SHANK1: variants seen among roughly 807,000 people sequenced by gnomAD.
SHANK1 encodes SH3 and multiple ankyrin repeat domains 1, also known as SH3 and multiple ankyrin repeat domains protein 1.
Under a neutral mutation model 165.6 loss-of-function variants are expected in SHANK1, and 35 were observed. That is an observed-to-expected ratio of 0.21 (90% CI 0.16 to 0.28). The LOEUF is 0.28. Among genes scored for constraint, SHANK1 ranks in the 10% least tolerant of loss-of-function variants. The pLI is 1.00. For synonymous variants in SHANK1, 1,428 were observed against 1,384.8 expected (o/e 1.03, Z -0.69); for missense variants, 2,681 against 3,036.4 (o/e 0.88, Z 2.75).
At chr19:50,696,456 C>T (rs959297909) in intron 15 of SHANK1, among the ~76,000 whole-genome samples, 3 of 151,636 alleles carry the variant, frequency 2.0e-5, no homozygotes, top group Admixed American at 6.6e-5. Context: ...AACACAGACA[C>T]GTAGGTTTGG....
chr19:50,686,195 C>T lies in SHANK1; in HGVS notation c.2577+42G>A, dbSNP rs777591382. The T allele has an allele frequency of 3.3e-6, 4 of 1,213,430 alleles. No homozygotes were observed. Among genetic ancestry groups the T allele is most frequent in the Non-Finnish European group, 3.5e-6 (3 of 850,240 alleles). 75.2% of individuals were successfully genotyped at this position (1,213,430 alleles called of 1,614,324 possible). Reference sequence around the variant, plus strand: ...AAAGGCTCCAGGTTGGTGTGTGAACCGCCTCCCCCCTGGCAGTTCCTCCCC... The same window carrying T: ...AAAGGCTCCAGGTTGGTGTGTGAACTGCCTCCCCCCTGGCAGTTCCTCCCC... On this transcript the variant is annotated intron_variant, in intron 21 of 23. Transcript: ENST00000293441. This position sits in a 1 kb window ranked among gnomAD's most constrained non-coding sequence, Gnocchi z 5.7.
intron 21 of SHANK1, among the ~76,000 whole-genome samples, chr19:50,677,570 T>C (rs2123107562): frequency 1.3e-5 from 2 of 152,336 alleles, no homozygotes; most frequent in Middle Eastern, 3.4e-3. Context: ...GGAAGTTACT[T>C]TGTTTGACTG....
rs200381401 is a variant in SHANK1 at position 50,704,189 on chromosome 19, G to A, written c.1156-3C>T. ...AAATTCCCAGCAATCACTGCCACCT[G>A]GAGGGAGGGGGTAGAGGCAGGTCGG... On this transcript the variant is annotated splice_region_variant and splice_polypyrimidine_tract_variant and intron_variant, in intron 9 of 23. Coordinates refer to ENST00000293441, the MANE Select transcript of SHANK1 (RefSeq NM_016148.5). The A allele has an allele frequency of 6.2e-6, 10 of 1,613,718 alleles. No homozygotes were observed. The African/African-American group carries it at 1.3e-4, about 22-fold the overall frequency.
chr19:50,659,297 T>C lies in SHANK1; in HGVS notation c.*2668A>G. 1 of 575,752 alleles carries C rather than the reference T, an allele frequency of 1.7e-6. No homozygotes were observed. The highest frequency in any genetic ancestry group is 3.6e-5 in the East Asian group (1 of 27,670). 35.7% of individuals were successfully genotyped at this position (575,752 alleles called of 1,614,324 possible). A position where few individuals can be genotyped will look rare whatever the true frequency, so the allele number is the denominator to read the frequency against. On this transcript the variant is annotated 3_prime_UTR_variant, in exon 24 of 24. Coordinates refer to ENST00000293441, the MANE Select transcript of SHANK1 (RefSeq NM_016148.5). ...GTGAGTTTAATTATAAAGAATGACC[T>C]GGTACAAAAGCCATTTCTCTCTGCA... is the stretch of plus-strand genomic sequence containing the variant.
At chr19:50,685,700 G>T (rs1986310625) in intron 21 of SHANK1, among the ~76,000 whole-genome samples, 1 of 151,878 alleles carries the variant, frequency 6.6e-6, no homozygotes, top group African/African-American at 2.4e-5. Context: ...CTCCAGCCTG[G>T]GCGACAGAGT....
intron 8 of SHANK1, 59 bp downstream of exon 8, chr19:50,711,312 C>A: frequency 8.5e-7 from 1 of 1,178,152 alleles, no homozygotes. Flanking sequence ...TGAGCTTGGC[C>A]CTGGGGGAGG....
Position 50,662,464 on chromosome 19 carries a change from C to T in SHANK1, c.5987G>A (p.Arg1996His), listed in dbSNP as rs1325053476. ...CAGCAGCGAGGGGCTGGGGGCCCGG[C>T]GGAGCAGAGGGGGCCGCATCTCGAA... ...VEFEMRPPLL[R>H]RAPSPSLLPA... Residue 1996 changes from arginine (R) to histidine (H), a missense_variant, in exon 24 of 24, where the codon CGC becomes CAC. This residue lies in a region of SHANK1 where 1,713 missense variants were observed against 1,630.2 expected (regional missense o/e 1.05). Coordinates refer to ENST00000293441, the MANE Select transcript of SHANK1 (RefSeq NM_016148.5). The surrounding 1 kb of genome is among the most constrained non-coding windows in gnomAD (Gnocchi z 7.7). The T allele has an allele frequency of 4.5e-6, 7 of 1,548,422 alleles. No homozygotes were observed. Among genetic ancestry groups the T allele is most frequent in the South Asian group, 2.5e-5 (2 of 81,612 alleles).
chr19:50,661,200 G>A lies in SHANK1; in HGVS notation c.*765C>T, dbSNP rs1296599152. ...TGTGTCTGCAACAAGGGTCCAGAGC[G>A]AGCGGGGAGGAGGAGATGTGAAATG... On this transcript the variant is annotated 3_prime_UTR_variant, in exon 24 of 24. Transcript: ENST00000293441. Among the ~76,000 whole-genome samples, 1 of 152,044 alleles carries A rather than the reference G, an allele frequency of 6.6e-6. No individual in the cohort carries two copies.
rs2089029978 is a variant in SHANK1, at chr19:50,713,313, A to ATT, written c.792+484_792+485insAA. The stretch of plus-strand genomic sequence containing the variant: ...TTGTCTATTTGGGAAAGTGCATTTG[A>ATT]GGCTGTGTACGTGGGGAAGGGGCTG... On this transcript the variant is annotated intron_variant, in intron 6 of 23. Coordinates refer to ENST00000293441, the MANE Select transcript of SHANK1 (RefSeq NM_016148.5). This position sits in a 1 kb window ranked among gnomAD's most constrained non-coding sequence, Gnocchi z 6.2. Among the ~76,000 whole-genome samples, 1 of 150,558 alleles carries ATT rather than the reference A, an allele frequency of 6.6e-6. No homozygotes were observed. Among genetic ancestry groups the ATT allele is most frequent in the African/African-American group, 2.5e-5 (1 of 40,704 alleles).
chr19:50,683,127 C>A lies in SHANK1; in HGVS notation c.2577+3110G>T, dbSNP rs1033418774. 3.3e-5 allele frequency among the ~76,000 whole-genome samples: 5 copies of A among 152,284 alleles called. No homozygotes were observed. The East Asian group carries it at 9.7e-4, about 29-fold the overall frequency. ...GATTATAGGTGTGAGCCCCTGCGCC[C>A]GGCCCTGAAAATCTTTTAACCTTAG... On this transcript the variant is annotated intron_variant, in intron 21 of 23. Coordinates refer to ENST00000293441, the MANE Select transcript of SHANK1 (RefSeq NM_016148.5).
chr19:50,663,118 C>G (rs1294247048), intron 23 of SHANK1: 1 of 203,624 alleles, frequency 4.9e-6, no homozygotes, highest in Non-Finnish European at 1.0e-5. Context: ...CAGGAAGTGG[C>G]AGAGCCCGGT....
At chr19:50,672,570 A>AAAAG (rs1985836324) in intron 21 of SHANK1, among the ~76,000 whole-genome samples, 1 of 150,878 alleles carries the variant, frequency 6.6e-6, no homozygotes, top group African/African-American at 2.4e-5. Flanking sequence ...AAAAAAAAAA[A>AAAAG]AAAAAAAAAA....
At chr19:50,692,994 C>T (rs1206972638) in intron 15 of SHANK1, among the ~76,000 whole-genome samples, 2 of 151,498 alleles carry the variant, frequency 1.3e-5, no homozygotes, top group African/African-American at 4.9e-5. Flanking sequence ...CCACACCCTC[C>T]TGCACCTCCG....
intron 8 of SHANK1, among the ~76,000 whole-genome samples, chr19:50,705,866 C>T (rs1478710760): frequency 1.3e-5 from 2 of 152,020 alleles, no homozygotes; most frequent in African/African-American, 4.8e-5. Flanking sequence ...TTCAAAAGAG[C>T]CCAAGGTGGG....
In SHANK1 at chr19:50,662,333, T is replaced by A. The variant is rs746895759; in HGVS notation, c.6118A>T (p.Thr2040Ser). 5.0e-6 allele frequency: 8 copies of A among 1,604,858 alleles called. No individual in the cohort carries two copies. The highest frequency in any genetic ancestry group is 4.3e-6 in the Non-Finnish European group (5 of 1,174,268). ...PGLFDIRGSP[T>S]GGAGGSADPF... ...TCAGCCGAGCCTCCTGCCCCTCCAG[T>A]TGGGGAGCCACGGATGTCAAAGAGG... The change falls in exon 24 of 24, where the codon ACT (threonine) becomes TCT (serine). Residue 2040 changes from threonine (T) to serine (S), a missense_variant. By Grantham distance (58) the Thr-to-Ser change is moderately conservative. This residue lies in a region of SHANK1 where 1,713 missense variants were observed against 1,630.2 expected (regional missense o/e 1.05). Coordinates refer to ENST00000293441, the MANE Select transcript of SHANK1 (RefSeq NM_016148.5). The surrounding 1 kb of genome is among the most constrained non-coding windows in gnomAD (Gnocchi z 7.7).
chr19:50,707,592 C>T (rs376495878), intron 8 of SHANK1, among the ~76,000 whole-genome samples: 9 of 150,660 alleles, frequency 6.0e-5, no homozygotes, highest in East Asian at 1.9e-4. Context: ...GACAGAGTCT[C>T]GCTCTGTTGC....
chr19:50,666,350 G>A lies in SHANK1; in HGVS notation c.5610C>T (p.Ile1870=). The A allele has an allele frequency of 1.9e-6, 3 of 1,613,872 alleles. No individual in the cohort carries two copies. Among genetic ancestry groups the A allele is most frequent in the Non-Finnish European group, 2.5e-6 (3 of 1,179,950 alleles). Residue 1870 remains isoleucine (I), a synonymous_variant, in exon 23 of 24, where the codon ATC becomes ATT. Transcript: ENST00000293441. The part of the protein sequence containing the change: ...ASALATVKAS[I]ISELSSKLQQ... Reference sequence around the variant, plus strand: ...GAAGCTTGGAGCTGAGTTCACTGATGATGCTGGCTTTTACTGTGGCCAAGG... The same window carrying A: ...GAAGCTTGGAGCTGAGTTCACTGATAATGCTGGCTTTTACTGTGGCCAAGG...
chr19:50,707,875 G>GTT (rs1246011933), intron 8 of SHANK1, among the ~76,000 whole-genome samples: 32 of 134,294 alleles, frequency 2.4e-4, no homozygotes, highest in Non-Finnish European at 4.0e-4. Flanking sequence ...ACTTTTGCGT[G>GTT]TTTTTCTTTT....
chr19:50,682,476 A>G (rs28466569), intron 21 of SHANK1, among the ~76,000 whole-genome samples: 2,760 of 152,268 alleles, frequency 0.018, 103 homozygotes, highest in African/African-American at 0.063. Context: ...ATTTTAAAGA[A>G]CAGAAAACTG....
Sources: allele counts gnomAD v4.1 joint callset (sites outside exome capture counted in the v4.1 genomes callset), GRCh38; gene constraint gnomAD v4.1.1; regional missense constraint gnomAD v4.1.1; non-coding constraint Gnocchi (gnomAD v3.1); transcripts MANE v1.5; gene names NCBI Gene and HGNC (gene_info 2026-07-23, HGNC 2026-07-21).